Variants in SLC68A1 observed in about 807,000 individuals in gnomAD.
SLC68A1 encodes the protein major facilitator superfamily domain containing 13A.
the SLC68A1 span, chr10:102,472,134 G>T: frequency 2.2e-5 from 9 of 411,356 alleles, no homozygotes; most frequent in African/African-American, 1.5e-4. Context: ...CTGCACTCCA[G>T]CCTGGGCGGC....
At chr10:102,475,020 G>A in the SLC68A1 span, among the ~76,000 whole-genome samples, 2 of 134,548 alleles carry the variant, frequency 1.5e-5, no homozygotes, top group Non-Finnish European at 3.4e-5. Context: ...GGCTGGGTGA[G>A]GTGGCTCACA....
chr10:102,469,244 A>T, the SLC68A1 span: 1 of 1,601,192 alleles, frequency 6.2e-7, no homozygotes, highest in African/African-American at 1.3e-5. Context: ...GGTGGGGTGG[A>T]GACTAGAGGC....
chr10:102,466,455 C>T, the SLC68A1 span, among the ~76,000 whole-genome samples: 1 of 147,968 alleles, frequency 6.8e-6, no homozygotes, highest in Non-Finnish European at 1.5e-5. Context: ...TACACTCCAG[C>T]CTGGGCAACA....
chr10:102,472,116 T>C, the SLC68A1 span: 2 of 444,476 alleles, frequency 4.5e-6, no homozygotes, highest in Non-Finnish European at 9.1e-6. Flanking sequence ...TGAGTTATGA[T>C]TGCACCACTG....
At chr10:102,473,804 C>T in the SLC68A1 span, 1 of 1,607,956 alleles carries the variant, frequency 6.2e-7, no homozygotes. Flanking sequence ...TGCCTGCTCT[C>T]TCCCTCTACT....
At chr10:102,476,098 C>CTTT in the SLC68A1 span, 1 of 1,272,924 alleles carries the variant, frequency 7.9e-7, no homozygotes, top group Non-Finnish European at 9.9e-7. Flanking sequence ...TTTTTTGGAG[C>CTTT]TGTTGCCCAA....
the SLC68A1 span, chr10:102,471,100 C>A: frequency 1.2e-6 from 2 of 1,613,542 alleles, no homozygotes; most frequent in Non-Finnish European, 1.7e-6. Context: ...GGTGCTCAGG[C>A]CTGGTTGTGG....
the SLC68A1 span, chr10:102,475,824 A>T: frequency 1.2e-6 from 2 of 1,613,962 alleles, no homozygotes; most frequent in African/African-American, 2.7e-5. Flanking sequence ...ACGCTCCGCC[A>T]GGGCTGCTTC....
the SLC68A1 span, chr10:102,476,160 C>G: frequency 8.7e-7 from 1 of 1,152,356 alleles, no homozygotes; most frequent in Non-Finnish European, 1.1e-6. Flanking sequence ...AACCACCACC[C>G]AGGTTCAAGC....
At chr10:102,463,029 C>G in the SLC68A1 span, among the ~76,000 whole-genome samples, 1 of 152,126 alleles carries the variant, frequency 6.6e-6, no homozygotes, top group African/African-American at 2.4e-5. Context: ...ATGACTGCTG[C>G]TGCTGTTCCC....
At chr10:102,470,432 C>T in the SLC68A1 span, among the ~76,000 whole-genome samples, 2 of 152,214 alleles carry the variant, frequency 1.3e-5, no homozygotes, top group African/African-American at 4.8e-5. Flanking sequence ...ACCCTTTGGC[C>T]ATCAGCCCAA....
chr10:102,464,307 C>A, the SLC68A1 span, among the ~76,000 whole-genome samples: 2 of 152,008 alleles, frequency 1.3e-5, no homozygotes, highest in African/African-American at 2.4e-5. Context: ...AAAAATTAGC[C>A]AGGCATGGTG....
At chr10:102,462,118 A>AGCC in the SLC68A1 span, 1 of 152,550 alleles carries the variant, frequency 6.6e-6, no homozygotes, top group Non-Finnish European at 1.5e-5. Flanking sequence ...GCTCATTTCC[A>AGCC]GCCGGAGGAG....
chr10:102,473,114 C>CAGG, the SLC68A1 span: 1 of 651,952 alleles, frequency 1.5e-6, no homozygotes, highest in Non-Finnish European at 2.7e-6. Context: ...GTGTGAGCCA[C>CAGG]TGCGCCCAGC....
At chr10:102,475,906 T>C in the SLC68A1 span, 25 of 1,613,870 alleles carry the variant, frequency 1.5e-5, no homozygotes, top group Non-Finnish European at 1.9e-5. Flanking sequence ...TCACGCTGCA[T>C]GGGAGACGCC....
the SLC68A1 span, chr10:102,470,772 G>A: frequency 6.2e-7 from 1 of 1,613,994 alleles, no homozygotes. Context: ...TGGGTGCCCT[G>A]GGCCCCAGCT....
At chr10:102,472,735 C>G in the SLC68A1 span, 4 of 787,148 alleles carry the variant, frequency 5.1e-6, no homozygotes, top group African/African-American at 3.4e-5. Flanking sequence ...AAGGCCTGCT[C>G]TCGCTCTTGC....
the SLC68A1 span, among the ~76,000 whole-genome samples, chr10:102,475,093 A>C: frequency 6.6e-6 from 1 of 151,802 alleles, no homozygotes; most frequent in Non-Finnish European, 1.5e-5. Context: ...GGAGTTTGAG[A>C]CCAGCCTGGT....
At chr10:102,470,890 C>T in the SLC68A1 span, 2 of 1,613,258 alleles carry the variant, frequency 1.2e-6, no homozygotes, top group Non-Finnish European at 1.7e-6. Context: ...CCCACGACCG[C>T]ACCCACCTCA....
Sources: gnomAD v4.1 joint callset for allele counts (sites outside exome capture counted in the v4.1 genomes callset) on GRCh38, gnomAD v4.1.1 for gene constraint, MANE v1.5 for transcripts, NCBI Gene and HGNC (gene_info 2026-07-23, HGNC 2026-07-21) for gene names.